LRP1B: variants seen among roughly 807,000 people sequenced by gnomAD.
LRP1B encodes LDL receptor related protein 1B, also known as low-density lipoprotein receptor-related protein 1B.
In LRP1B, 217 loss-of-function variants were observed where a neutral mutation model predicts 556.6. The observed-to-expected ratio is 0.39, with a 90% CI of 0.35 to 0.44. The LOEUF (loss-of-function observed/expected upper bound fraction) is 0.44, where lower values mean the gene tolerates loss of function less well. Among genes scored for constraint, LRP1B ranks in the 20% least tolerant of loss-of-function variants. LRP1B has a pLI of 1.00. For missense variants in LRP1B, 5,053 were observed against 5,620.8 expected (o/e 0.90, Z 3.23); for synonymous variants, 2,047 against 1,865.8 (o/e 1.10, Z -2.50).
intron 1 of LRP1B, among the ~76,000 whole-genome samples, chr2:141,940,909 AACGTCAC>A (rs1700778349): frequency 6.6e-6 from 1 of 152,210 alleles, no homozygotes; most frequent in African/African-American, 2.4e-5. Flanking sequence ...TTACTTACCC[AACGTCAC>A]CTAGCTAGCC....
intron 87 of LRP1B, among the ~76,000 whole-genome samples, chr2:140,245,167 G>A (rs1187367495): frequency 6.6e-6 from 1 of 151,334 alleles, no homozygotes; most frequent in African/African-American, 2.4e-5. Context: ...TTAGTGATGG[G>A]AGAAAGAGCT....
At chr2:140,939,743 A>C (rs1695339635) in intron 20 of LRP1B, among the ~76,000 whole-genome samples, 1 of 151,722 alleles carries the variant, frequency 6.6e-6, no homozygotes, top group African/African-American at 2.4e-5. Flanking sequence ...AACCAGGGTC[A>C]GATGTCCCCT....
rs555060259 is a variant in LRP1B at position 141,951,896 on chromosome 2, A to C, written c.83-141495T>G. Among the ~76,000 whole-genome samples, 21 of 152,072 alleles carry C rather than the reference A, an allele frequency of 1.4e-4. No individual in the cohort carries two copies. In the East Asian group the frequency reaches 2.7e-3, roughly 20 times the overall value. On this transcript the variant is annotated intron_variant, in intron 1 of 90. Transcript: ENST00000389484. ...TCTAGGGTACATGTGTACAACGTGC[A>C]TGTTTGTTACATATGTATACATGTG...
At chr2:140,322,199 A>C in intron 81 of LRP1B, 111 bp from the exon 82 acceptor site, 1 of 1,067,272 alleles carries the variant, frequency 9.4e-7, no homozygotes, top group Non-Finnish European at 1.4e-6. Flanking sequence ...AAAAGTAATC[A>C]CATTAAATTT....
At chr2:140,959,381 T>A (rs1483174378) in intron 18 of LRP1B, among the ~76,000 whole-genome samples, 3 of 151,594 alleles carry the variant, frequency 2.0e-5, no homozygotes, top group Non-Finnish European at 4.4e-5. Flanking sequence ...ATTTTCTGTT[T>A]TTTTAATACA....
In LRP1B at chr2:141,817,519, G is replaced by A. The variant is rs1696601183; in HGVS notation, c.83-7118C>T. 3.3e-5 allele frequency among the ~76,000 whole-genome samples: 5 copies of A among 151,906 alleles called. No individual in the cohort carries two copies. The South Asian group carries it at 1.0e-3, about 31-fold the overall frequency. On this transcript the variant is annotated intron_variant, in intron 1 of 90. Transcript: ENST00000389484. ...TTATAATAAATATTTTTGAAAGTTT[G>A]ATATAGCCATAGCTGAAAAAAATGT... is the stretch of plus-strand genomic sequence containing the variant.
At chr2:140,951,270 T>A (rs1265119305) in intron 19 of LRP1B, among the ~76,000 whole-genome samples, 1 of 152,136 alleles carries the variant, frequency 6.6e-6, no homozygotes, top group African/African-American at 2.4e-5. Context: ...TTGTACAGTA[T>A]CATTAGAAAT....
chr2:141,381,052 A>G (rs1689622518), intron 3 of LRP1B, among the ~76,000 whole-genome samples: 1 of 152,112 alleles, frequency 6.6e-6, no homozygotes, highest in African/African-American at 2.4e-5. Context: ...AATATGTTTC[A>G]TGTAAAAGAA....
At chr2:141,375,232 C>T (rs1302042516) in intron 3 of LRP1B, among the ~76,000 whole-genome samples, 1 of 151,996 alleles carries the variant, frequency 6.6e-6, no homozygotes, top group Non-Finnish European at 1.5e-5. Context: ...GACTTGGATG[C>T]CAAATGAAGT....
intron 3 of LRP1B, among the ~76,000 whole-genome samples, chr2:141,347,803 A>T (rs566117166): frequency 3.7e-4 from 57 of 152,170 alleles, no homozygotes; most frequent in African/African-American, 1.3e-3. Flanking sequence ...AGGATCTAGC[A>T]ACATTTTTGT....
Position 141,945,602 on chromosome 2 carries a change from T to C in LRP1B, c.83-135201A>G, listed in dbSNP as rs146297788. On this transcript the variant is annotated intron_variant, in intron 1 of 90. Transcript: ENST00000389484. ...ATTGAAATTTATTGATAGAAAAACA[T>C]GTAAAATCTACTATAAAATATTGCC... is the stretch of plus-strand genomic sequence containing the variant. 2.8e-3 allele frequency among the ~76,000 whole-genome samples: 420 copies of C among 152,060 alleles called. 1 individual carries two copies. The highest frequency in any genetic ancestry group is 9.4e-3 in the African/African-American group (389 of 41,536).
chr2:141,268,023 G>C (rs2105363630), intron 3 of LRP1B, among the ~76,000 whole-genome samples: 1 of 152,096 alleles, frequency 6.6e-6, no homozygotes, highest in East Asian at 1.9e-4. Context: ...TCCCCTCATG[G>C]GACACATAAA....
chr2:141,599,386 GATAACGCAGATT>G (rs1276321423), intron 2 of LRP1B, among the ~76,000 whole-genome samples: 2 of 151,892 alleles, frequency 1.3e-5, no homozygotes, highest in Non-Finnish European at 2.9e-5. Context: ...TGGTTATCTT[GATAACGCAGATT>G]TTAGGATGTC....
At chr2:141,263,216 T>A (rs959568994) in intron 3 of LRP1B, among the ~76,000 whole-genome samples, 1 of 152,170 alleles carries the variant, frequency 6.6e-6, no homozygotes, top group African/African-American at 2.4e-5. Context: ...TTATATATAT[T>A]GAACTTGTAT....
At chr2:141,484,227 C>T (rs1683030678) in intron 2 of LRP1B, among the ~76,000 whole-genome samples, 2 of 146,206 alleles carry the variant, frequency 1.4e-5, no homozygotes, top group African/African-American at 5.0e-5. Flanking sequence ...GGAATCCTTT[C>T]CCCATTGCTT....
intron 22 of LRP1B, among the ~76,000 whole-genome samples, chr2:140,904,539 C>T (rs1277651391): frequency 1.3e-5 from 2 of 152,042 alleles, no homozygotes; most frequent in African/African-American, 4.8e-5. Flanking sequence ...AACATTTCTA[C>T]ATTTTTAAAA....
At chr2:141,954,292 C>A (rs1479052424) in intron 1 of LRP1B, among the ~76,000 whole-genome samples, 2 of 152,032 alleles carry the variant, frequency 1.3e-5, no homozygotes, top group Non-Finnish European at 2.9e-5. Flanking sequence ...CTGGATGCTA[C>A]CTAACTCATA....
intron 1 of LRP1B, among the ~76,000 whole-genome samples, chr2:142,101,263 T>G (rs1706558855): frequency 6.6e-6 from 1 of 151,994 alleles, no homozygotes; most frequent in African/African-American, 2.4e-5. Flanking sequence ...AAATGCAACT[T>G]CATAATCATT....
chr2:140,397,928 G>T (rs1044755238), intron 66 of LRP1B, among the ~76,000 whole-genome samples: 1 of 152,076 alleles, frequency 6.6e-6, no homozygotes, highest in Non-Finnish European at 1.5e-5. Context: ...TTGCATAGGT[G>T]TTAAAATTCT....
Sources: gnomAD v4.1 joint callset for allele counts (sites outside exome capture counted in the v4.1 genomes callset) on GRCh38, gnomAD v4.1.1 for gene constraint, MANE v1.5 for transcripts, NCBI Gene and HGNC (gene_info 2026-07-23, HGNC 2026-07-21) for gene names.